Variants in PAX2 observed in about 807,000 individuals in gnomAD.
The protein encoded by PAX2 is paired box 2.
In PAX2, 9 loss-of-function variants were observed where a neutral mutation model predicts 41.7. That is an observed-to-expected ratio of 0.22 (90% CI 0.13 to 0.38). The LOEUF is 0.38. PAX2 is among the 10% of genes least tolerant of loss of function. The probability of loss-of-function intolerance (pLI) is 1.00; values close to 1 mark genes in which losing one functional copy is unlikely to be tolerated. For missense variants in PAX2, 418 were observed against 531.6 expected (o/e 0.79, Z 2.10); for synonymous variants, 221 against 212.7 (o/e 1.04, Z -0.34).
chr10:100,768,217 G>A (rs1209474176), intron 3 of PAX2, among the ~76,000 whole-genome samples: 1 of 152,150 alleles, frequency 6.6e-6, no homozygotes, highest in Non-Finnish European at 1.5e-5. Context: ...AGCAGGTTTT[G>A]ATAAATATAT....
intron 3 of PAX2, among the ~76,000 whole-genome samples, chr10:100,767,446 T>C (rs1846066927): frequency 6.6e-6 from 1 of 151,270 alleles, no homozygotes; most frequent in Non-Finnish European, 1.5e-5. Flanking sequence ...CTGGTTGGGG[T>C]TTAATAAGAC....
At position 100,779,537 on chromosome 10, in the gene PAX2, G is replaced by A. The variant is rs1386529275; in HGVS notation, c.450G>A (p.Thr150=). 5.0e-6 allele frequency: 8 copies of A among 1,597,032 alleles called. No individual in the cohort carries two copies. Among genetic ancestry groups the A allele is most frequent in the Middle Eastern group, 1.7e-4 (1 of 6,032 alleles). The change falls in exon 4 of 10, where the codon ACG becomes ACA. Residue 150 remains threonine (T), a synonymous_variant. Transcript: ENST00000355243. ...RTKVQQPFHP[T]PDGAGTGVTA... is the part of the protein sequence containing the mutation. ...AAGTTCAGCAGCCTTTCCACCCAAC[G>A]CCGGATGGGGCTGGGACAGGAGTGA... is the stretch of plus-strand genomic sequence containing the variant.
At chr10:100,759,896 C>A (rs901688897) in intron 3 of PAX2, among the ~76,000 whole-genome samples, 1 of 152,114 alleles carries the variant, frequency 6.6e-6, no homozygotes, top group Non-Finnish European at 1.5e-5. Context: ...TTGCTGGGCC[C>A]AACTGCCCAG....
intron 3 of PAX2, among the ~76,000 whole-genome samples, chr10:100,761,405 A>G (rs1311057740): frequency 6.6e-6 from 1 of 152,122 alleles, no homozygotes; most frequent in African/African-American, 2.4e-5. Flanking sequence ...TCTGTGGATC[A>G]GGTCACTCCT....
chr10:100,774,182 AAC>A (rs1420589427), intron 3 of PAX2, among the ~76,000 whole-genome samples: 15 of 152,224 alleles, frequency 9.9e-5, no homozygotes, highest in Admixed American at 9.8e-4. Context: ...TCTTGAGTTT[AAC>A]ACAGTGTTAA....
Position 100,750,523 on chromosome 10 carries a change from G to A in PAX2, c.213-171G>A, listed in dbSNP as rs556248089. 2.6e-5 allele frequency among the ~76,000 whole-genome samples: 4 copies of A among 152,280 alleles called. No individual in the cohort carries two copies. Among genetic ancestry groups the A allele is most frequent in the South Asian group, 2.1e-4 (1 of 4,824 alleles). Reference sequence around the variant, plus strand: ...ACCCCTTGTCCTCCTACTCCGCGGCGCTCCTCCTAGCCAGGCACCCTCAGG... The same window carrying A: ...ACCCCTTGTCCTCCTACTCCGCGGCACTCCTCCTAGCCAGGCACCCTCAGG... On this transcript the variant is annotated intron_variant, in intron 2 of 9. Coordinates refer to ENST00000355243, the MANE Select transcript of PAX2 (RefSeq NM_000278.5). This position sits in a 1 kb window ranked among gnomAD's most constrained non-coding sequence, Gnocchi z 4.1.
At chr10:100,822,663 A>G (rs1341030221) in intron 7 of PAX2, among the ~76,000 whole-genome samples, 1 of 152,238 alleles carries the variant, frequency 6.6e-6, no homozygotes, top group Non-Finnish European at 1.5e-5. Context: ...AGTTTGGAAG[A>G]GAGAAACTTC....
At chr10:100,795,550 T>A (rs1589865790) in intron 5 of PAX2, among the ~76,000 whole-genome samples, 1 of 152,260 alleles carries the variant, frequency 6.6e-6, no homozygotes, top group East Asian at 1.9e-4. Context: ...CTCTGGGATA[T>A]CACCATTTTC....
chr10:100,739,162 G>C (rs1844867603), intron 1 of PAX2, among the ~76,000 whole-genome samples: 1 of 152,110 alleles, frequency 6.6e-6, no homozygotes, highest in African/African-American at 2.4e-5. Context: ...GACGTAGGCG[G>C]AGGTGGCAGG....
chr10:100,750,166 G>C lies in PAX2; in HGVS notation c.212+252G>C, dbSNP rs1423592605. Among the ~76,000 whole-genome samples the C allele has an allele frequency of 6.6e-6, 1 of 152,146 alleles. No homozygotes were observed. Among genetic ancestry groups the C allele is most frequent in the Non-Finnish European group, 1.5e-5 (1 of 68,040 alleles). On this transcript the variant is annotated intron_variant, in intron 2 of 9. Coordinates refer to ENST00000355243, the MANE Select transcript of PAX2 (RefSeq NM_000278.5). The surrounding 1 kb of genome is among the most constrained non-coding windows in gnomAD (Gnocchi z 4.1). ...CCTGGTGAGAAGGCAGCCCGTTTCT[G>C]GCTTCAGAAAGGGAAGGATGACTTT...
intron 3 of PAX2, among the ~76,000 whole-genome samples, chr10:100,760,671 C>T (rs1468795039): frequency 6.6e-6 from 1 of 152,174 alleles, no homozygotes; most frequent in Non-Finnish European, 1.5e-5. Context: ...AAGATAGTCA[C>T]CTCCTTTTAT....
intron 6 of PAX2, among the ~76,000 whole-genome samples, chr10:100,808,372 C>A (rs910147049): frequency 3.9e-5 from 6 of 152,122 alleles, no homozygotes; most frequent in African/African-American, 1.4e-4. Context: ...AAAAAACAGA[C>A]CCGAAAGAGC....
intron 3 of PAX2, among the ~76,000 whole-genome samples, chr10:100,761,905 T>C (rs916050848): frequency 6.6e-6 from 1 of 152,120 alleles, no homozygotes; most frequent in Admixed American, 6.6e-5. Context: ...AGGCAATAGA[T>C]TACCAGGAAT....
At chr10:100,785,356 T>A (rs1189982422) in intron 5 of PAX2, among the ~76,000 whole-genome samples, 1 of 152,218 alleles carries the variant, frequency 6.6e-6, no homozygotes, top group East Asian at 1.9e-4. Flanking sequence ...GGTGAGAATC[T>A]GCTGGTCTGT....
At chr10:100,763,532 T>C (rs760103547) in intron 3 of PAX2, among the ~76,000 whole-genome samples, 7 of 152,170 alleles carry the variant, frequency 4.6e-5, no homozygotes, top group Non-Finnish European at 1.0e-4. Context: ...GAGTAGTTAG[T>C]ATTGGAACGA....
intron 1 of PAX2, among the ~76,000 whole-genome samples, chr10:100,735,970 C>T (rs1205851557): frequency 6.6e-6 from 1 of 152,222 alleles, no homozygotes; most frequent in Non-Finnish European, 1.5e-5. Context: ...TCTACAACTT[C>T]GCTTGCAGAA....
chr10:100,827,790 G>T lies in PAX2; in HGVS notation c.*171G>T, dbSNP rs1308699268. The T allele has an allele frequency of 2.2e-5, 22 of 997,494 alleles. No individual in the cohort carries two copies. Among genetic ancestry groups the T allele is most frequent in the Non-Finnish European group, 3.3e-5 (22 of 659,156 alleles). The allele number at this position is 997,494 out of a possible 1,614,324, so 61.8% of individuals were successfully genotyped here. A position where few individuals can be genotyped will look rare whatever the true frequency, so the allele number is the denominator to read the frequency against. On this transcript the variant is annotated 3_prime_UTR_variant, in exon 10 of 10. Coordinates refer to ENST00000355243, the MANE Select transcript of PAX2 (RefSeq NM_000278.5). The surrounding 1 kb of genome is among the most constrained non-coding windows in gnomAD (Gnocchi z 8.5). The stretch of plus-strand genomic sequence containing the variant: ...CGCAACCCTTCACATCACCCCCCTC[G>T]AAGGTCGGACAGGACGGGTGGAGCC...
intron 5 of PAX2, among the ~76,000 whole-genome samples, chr10:100,802,974 C>T (rs1369494462): frequency 6.6e-6 from 1 of 152,128 alleles, no homozygotes; most frequent in East Asian, 1.9e-4. Context: ...CCGTCTGAGA[C>T]TTTGCCCTTG....
At chr10:100,744,818 GAACC>G (rs1438466012), upstream of PAX2, among the ~76,000 whole-genome samples, 1 of 152,236 alleles carries the variant, frequency 6.6e-6, no homozygotes, top group Non-Finnish European at 1.5e-5. Context: ...GCTCGATTCT[GAACC>G]AAGCGTTCTG....
Sources: gnomAD v4.1 joint callset for allele counts (sites outside exome capture counted in the v4.1 genomes callset) on GRCh38, gnomAD v4.1.1 for gene constraint, Gnocchi (gnomAD v3.1) non-coding constraint, MANE v1.5 for transcripts, NCBI Gene and HGNC (gene_info 2026-07-23, HGNC 2026-07-21) for gene names.